Variants in STRN observed in about 807,000 individuals in gnomAD.
STRN encodes striatin.
In STRN, 53 loss-of-function variants were observed where a neutral mutation model predicts 96.3. That is an observed-to-expected ratio of 0.55 (90% CI 0.44 to 0.69). The LOEUF (loss-of-function observed/expected upper bound fraction) is 0.69, where lower values mean the gene tolerates loss of function less well. STRN is among the 30% of genes least tolerant of loss of function. The probability of loss-of-function intolerance (pLI) is 0.00; values close to 1 mark genes in which losing one functional copy is unlikely to be tolerated. For missense variants in STRN, 987 were observed against 963.9 expected, an observed-to-expected ratio of 1.02 and a Z score of -0.32; for synonymous variants, 428 against 355.9, an observed-to-expected ratio of 1.20 and a Z score of -2.28.
At position 36,844,642 on chromosome 2, in the gene STRN, G is replaced by C. The variant is rs1185300081; in HGVS notation, c.*4814C>G. 1.3e-5 allele frequency: 2 copies of C among 151,826 alleles called. No homozygotes were observed. The highest frequency in any genetic ancestry group is 4.8e-5 in the African/African-American group (2 of 41,314). The allele number at this position is 151,826 out of a possible 1,614,324, so 9.4% of individuals were successfully genotyped here. On this transcript the variant is annotated 3_prime_UTR_variant, in exon 18 of 18. Coordinates refer to ENST00000263918, the MANE Select transcript of STRN (RefSeq NM_003162.4). ...GGAATACCGCCAGAATCAATGAGTG[G>C]GATCTAGGGATCTGTTTGGCCTAAC...
chr2:36,942,446 T>C (rs576840941), intron 1 of STRN, among the ~76,000 whole-genome samples: 96 of 152,286 alleles, frequency 6.3e-4, no homozygotes, highest in African/African-American at 2.0e-3. Flanking sequence ...TCCACTATAA[T>C]TGGGTATTTA....
intron 9 of STRN, among the ~76,000 whole-genome samples, chr2:36,883,623 A>G (rs574314016): frequency 3.6e-4 from 55 of 152,214 alleles, no homozygotes; most frequent in Non-Finnish European, 6.8e-4. Flanking sequence ...TTTACTACCA[A>G]TTTACAGACT....
At chr2:36,963,116 G>A (rs192828351) in intron 1 of STRN, among the ~76,000 whole-genome samples, 14 of 152,296 alleles carry the variant, frequency 9.2e-5, no homozygotes, top group African/African-American at 2.2e-4. Flanking sequence ...AATAAGATGA[G>A]CAAGAGTGAA....
intron 1 of STRN, among the ~76,000 whole-genome samples, chr2:36,929,899 G>C (rs1367278776): frequency 6.6e-6 from 1 of 152,060 alleles, no homozygotes; most frequent in African/African-American, 2.4e-5. Flanking sequence ...ATTAATTTAA[G>C]GTTCTCATCT....
chr2:36,857,892 C>G lies in STRN; in HGVS notation c.1801G>C (p.Val601Leu), dbSNP rs990146519. ...TTAAATACACTTAGTGCTGGAGCAA[C>G]CTCAGTTGTATTCCATAAACGCAGA... The part of the protein sequence containing the change: ...GTLRLWNTTE[V>L]APALSVFNDT... Residue 601 changes from valine to leucine, a missense_variant, in exon 14 of 18, where the codon GTT becomes CTT. Physicochemically the swap from Val to Leu is conservative, Grantham distance 32 (BLOSUM62 1). Transcript: ENST00000263918. 8.1e-6 allele frequency: 13 copies of G among 1,613,978 alleles called. No individual in the cohort carries two copies. The African/African-American group carries it at 1.5e-4, about 18-fold the overall frequency.
chr2:36,927,527 G>C (rs980847602), intron 1 of STRN, among the ~76,000 whole-genome samples: 6 of 129,572 alleles, frequency 4.6e-5, no homozygotes, highest in Non-Finnish European at 8.1e-5. Flanking sequence ...AAAAAAAAGG[G>C]GGGGGGGGGT....
chr2:36,840,585 T>C lies in STRN; in HGVS notation c.*8871A>G, dbSNP rs1207454050. The C allele has an allele frequency of 1.3e-5, 2 of 152,014 alleles. No homozygotes were observed. Among genetic ancestry groups the C allele is most frequent in the East Asian group, 3.9e-4 (2 of 5,170 alleles). 9.4% of individuals were successfully genotyped at this position (152,014 alleles called of 1,614,324 possible). A position where few individuals can be genotyped will look rare whatever the true frequency, so the allele number is the denominator to read the frequency against. On this transcript the variant is annotated 3_prime_UTR_variant, in exon 18 of 18. Coordinates refer to ENST00000263918, the MANE Select transcript of STRN (RefSeq NM_003162.4). ...CTTTGATGATTTGTATAATTTAGATTTTGAAATGGGCTCTCTGATTACTCA... is the reference window on the plus strand; with the variant it reads ...CTTTGATGATTTGTATAATTTAGATCTTGAAATGGGCTCTCTGATTACTCA...
At chr2:36,908,835 G>T (rs1441509979) in intron 3 of STRN, among the ~76,000 whole-genome samples, 2 of 152,060 alleles carry the variant, frequency 1.3e-5, no homozygotes, top group Non-Finnish European at 2.9e-5. Flanking sequence ...TTAGTTGGAG[G>T]CTGGGTGCGG....
intron 1 of STRN, among the ~76,000 whole-genome samples, chr2:36,957,972 T>C (rs933324701): frequency 1.3e-4 from 19 of 145,952 alleles, no homozygotes; most frequent in Non-Finnish European, 4.5e-5. Flanking sequence ...CAGGCTGGAG[T>C]ACAGTGGCGC....
Position 36,878,027 on chromosome 2 carries a change from A to G in STRN, c.1187T>C (p.Val396Ala), listed in dbSNP as rs769537561. The G allele has an allele frequency of 6.2e-7, 1 of 1,613,922 alleles. No individual in the cohort carries two copies. Among genetic ancestry groups the G allele is most frequent in the Non-Finnish European group, 8.5e-7 (1 of 1,179,974 alleles). Residue 396 changes from valine (V) to alanine (A), a missense_variant and splice_region_variant, in exon 10 of 18, where the codon GTG (valine) becomes GCG (alanine). By Grantham distance (64) the Val-to-Ala change is moderately conservative (BLOSUM62 0). Coordinates refer to ENST00000263918, the MANE Select transcript of STRN (RefSeq NM_003162.4). ...AGAAGGAGGAAATGTCAATGCTTCCACTGAAGAGGGAAGACAAAGGAAACA... is the reference window on the plus strand; with the variant it reads ...AGAAGGAGGAAATGTCAATGCTTCCGCTGAAGAGGGAAGACAAAGGAAACA... ...PEHEINRADE[V>A]EALTFPPSSG...
At position 36,838,361 on chromosome 2, in the gene STRN, C is replaced by T. The variant is rs1038348330; in HGVS notation, c.*11095G>A. 3.3e-5 allele frequency among the ~76,000 whole-genome samples: 5 copies of T among 152,140 alleles called. No individual in the cohort carries two copies. Among genetic ancestry groups the T allele is most frequent in the African/African-American group, 4.8e-5 (2 of 41,430 alleles). ...CATTTCAGCCTTGTTGGGCCTTGAACAGACAGCCCAGTTGAGTTTCCCTGG... is the reference window on the plus strand; with the variant it reads ...CATTTCAGCCTTGTTGGGCCTTGAATAGACAGCCCAGTTGAGTTTCCCTGG... On this transcript the variant is annotated 3_prime_UTR_variant, in exon 18 of 18. Coordinates refer to ENST00000263918, the MANE Select transcript of STRN (RefSeq NM_003162.4).
chr2:36,874,066 T>C lies in STRN; in HGVS notation c.1323+3825A>G, dbSNP rs375042161. Among the ~76,000 whole-genome samples the C allele has an allele frequency of 3.9e-4, 58 of 147,604 alleles. No homozygotes were observed. In the East Asian group the frequency reaches 4.0e-3, roughly 10 times the overall value. On this transcript the variant is annotated intron_variant, in intron 10 of 17. Coordinates refer to ENST00000263918, the MANE Select transcript of STRN (RefSeq NM_003162.4). The stretch of plus-strand genomic sequence containing the variant: ...GTCAGGAGATCAAGACCATCCTGGC[T>C]AACACGGTGAAAACCCCATCTCTAC...
At chr2:36,879,170 A>G (rs917364407) in intron 9 of STRN, among the ~76,000 whole-genome samples, 4 of 152,000 alleles carry the variant, frequency 2.6e-5, no homozygotes, top group African/African-American at 9.7e-5. Flanking sequence ...TCCTGGGTTC[A>G]AGCAATTCTC....
intron 7 of STRN, among the ~76,000 whole-genome samples, chr2:36,892,656 A>C (rs1669430634): frequency 6.6e-6 from 1 of 152,296 alleles, no homozygotes; most frequent in Non-Finnish European, 1.5e-5. Context: ...AACATCATGA[A>C]AGGCTGGACC....
Position 36,902,609 on chromosome 2 carries a change from C to T in STRN, c.634G>A (p.Glu212Lys), listed in dbSNP as rs1230393260. Residue 212 changes from glutamate (E) to lysine (K), a missense_variant, in exon 5 of 18, where the codon GAA becomes AAA. Transcript: ENST00000263918. Reference protein sequence around the residue: ...QDSVVNGTEAEVKETAMIAKS... With the variant: ...QDSVVNGTEAKVKETAMIAKS... ...GCAATCATTGCTGTCTCTTTAACTT[C>T]AGCCTCTGTGCCATTTACAACTGAG... is the stretch of plus-strand genomic sequence containing the variant. 3 of 1,608,502 alleles carry T rather than the reference C, an allele frequency of 1.9e-6. No individual in the cohort carries two copies. The highest frequency in any genetic ancestry group is 2.2e-5 in the South Asian group (2 of 90,308).
At chr2:36,918,174 G>A (rs1201696147) in intron 2 of STRN, among the ~76,000 whole-genome samples, 1 of 152,086 alleles carries the variant, frequency 6.6e-6, no homozygotes, top group African/African-American at 2.4e-5. Flanking sequence ...ATCACTGGAC[G>A]AAATGTTTGC....
At chr2:36,888,166 G>C (rs942614168) in intron 7 of STRN, among the ~76,000 whole-genome samples, 3 of 152,240 alleles carry the variant, frequency 2.0e-5, no homozygotes, top group Admixed American at 1.3e-4. Flanking sequence ...CAAATATTCA[G>C]AATCTGGCTT....
At chr2:36,904,386 T>TA (rs760697905) in intron 4 of STRN, among the ~76,000 whole-genome samples, 35 of 152,222 alleles carry the variant, frequency 2.3e-4, no homozygotes, top group Non-Finnish European at 4.6e-4. Context: ...CATTTCATTT[T>TA]ACTGAGGCAC....
At chr2:36,876,751 ATTT>A (rs70946956) in intron 10 of STRN, among the ~76,000 whole-genome samples, 1 of 143,496 alleles carries the variant, frequency 7.0e-6, no homozygotes, top group African/African-American at 2.5e-5. Context: ...AATTATAAAC[ATTT>A]TTTTTTTTTT....
Sources: allele counts gnomAD v4.1 joint callset (sites outside exome capture counted in the v4.1 genomes callset), GRCh38; gene constraint gnomAD v4.1.1; transcripts MANE v1.5; gene names NCBI Gene and HGNC (gene_info 2026-07-23, HGNC 2026-07-21).